Variants in FAM149A observed in about 807,000 individuals in gnomAD.
The protein encoded by FAM149A is protein FAM149A.
FAM149A carries 71 observed loss-of-function variants against 78.2 expected under a neutral mutation model. The ratio of observed to expected loss-of-function variants is 0.91; its 90% confidence interval spans 0.75 to 1.11. The LOEUF (loss-of-function observed/expected upper bound fraction) is 1.11, where lower values mean the gene tolerates loss of function less well. Ranked by LOEUF, FAM149A falls within the 50% of genes least tolerant of loss-of-function variation. The pLI is 0.00. For synonymous variants in FAM149A, 446 were observed against 410.5 expected (o/e 1.09, Z -1.04); for missense variants, 1,036 against 971.0 (o/e 1.07, Z -0.89).
At chr4:186,151,781 T>C (rs1733605022) in intron 3 of FAM149A, 122 bp from the exon 4 acceptor site, 1 of 1,449,530 alleles carries the variant, frequency 6.9e-7, no homozygotes, top group East Asian at 2.6e-5. Context: ...AGCCACCATC[T>C]TTTTACCAAG....
intron 1 of FAM149A, among the ~76,000 whole-genome samples, chr4:186,129,334 A>G (rs1221137784): frequency 6.6e-6 from 1 of 152,156 alleles, no homozygotes; most frequent in African/African-American, 2.4e-5. Context: ...CAAAGGAGAG[A>G]GCAAGGATGC....
intron 1 of FAM149A, among the ~76,000 whole-genome samples, chr4:186,139,343 C>A (rs1186445986): frequency 6.6e-6 from 1 of 152,138 alleles, no homozygotes; most frequent in Non-Finnish European, 1.5e-5. Context: ...TGTTTGTATC[C>A]CCCAAAATTC....
At chr4:186,119,277 G>A (rs866355702) in intron 1 of FAM149A, among the ~76,000 whole-genome samples, 8 of 152,098 alleles carry the variant, frequency 5.3e-5, no homozygotes, top group African/African-American at 1.4e-4. Flanking sequence ...CGTAGTACTC[G>A]TCAAGCAAAT....
At chr4:186,165,719 A>G (rs1436316174) in intron 11 of FAM149A, among the ~76,000 whole-genome samples, 1 of 152,220 alleles carries the variant, frequency 6.6e-6, no homozygotes, top group East Asian at 1.9e-4. Flanking sequence ...GTGTCAAGGA[A>G]ATCTCTGATA....
intron 8 of FAM149A, chr4:186,158,868 C>A: frequency 1.1e-6 from 1 of 902,932 alleles, no homozygotes; most frequent in Non-Finnish European, 1.3e-6. Flanking sequence ...CACAGGCCAC[C>A]AGCAAGATGG....
intron 1 of FAM149A, among the ~76,000 whole-genome samples, chr4:186,113,284 C>A (rs1294842719): frequency 8.1e-6 from 1 of 122,844 alleles, no homozygotes; most frequent in Admixed American, 9.2e-5. Context: ...TGATTCTTCT[C>A]TCTTTTTTTA....
rs375731127 is a variant in FAM149A, at chr4:186,159,857, A to T, written c.1575+2138A>T. ...AGAACACGGGTAAGGCAGGAGTCCT[A>T]GTCCTGAGCTACACAGAATTTATAG... On this transcript the variant is annotated intron_variant, in intron 8 of 13. Coordinates refer to ENST00000389354, the MANE Select transcript of FAM149A (RefSeq NM_001367768.3). 6.1e-4 allele frequency among the ~76,000 whole-genome samples: 76 copies of T among 124,486 alleles called. No individual in the cohort carries two copies. The East Asian group carries it at 0.016, about 27-fold the overall frequency. The allele number at this position is 124,486 out of a possible 152,430, so 81.7% of individuals were successfully genotyped here. A position where few individuals can be genotyped will look rare whatever the true frequency, so the allele number is the denominator to read the frequency against.
chr4:186,133,061 ACT>A, intron 1 of FAM149A: 1 of 985,338 alleles, frequency 1.0e-6, no homozygotes, highest in South Asian at 4.7e-5. Flanking sequence ...AAGGCTTCTG[ACT>A]CAACACTGCC....
At chr4:186,149,129 A>G in intron 1 of FAM149A, 44 bp from the exon 2 acceptor site, 1 of 1,242,606 alleles carries the variant, frequency 8.0e-7, no homozygotes, top group African/African-American at 1.6e-5. Context: ...ATAAAACTAT[A>G]TTATTACATT....
chr4:186,126,337 G>A (rs4862639), intron 1 of FAM149A, among the ~76,000 whole-genome samples: 39,515 of 152,018 alleles, frequency 0.26, 5,399 homozygotes, highest in East Asian at 0.51. Flanking sequence ...AATTTTATGT[G>A]TCAACTTGAC....
chr4:186,147,635 CAT>C (rs1733161595), intron 1 of FAM149A, among the ~76,000 whole-genome samples: 3 of 152,180 alleles, frequency 2.0e-5, no homozygotes, highest in African/African-American at 7.2e-5. Context: ...ATTTCTCAGT[CAT>C]ATATTAACTC....
intron 1 of FAM149A, among the ~76,000 whole-genome samples, chr4:186,143,488 A>G (rs191405119): frequency 6.6e-6 from 1 of 152,012 alleles, no homozygotes; most frequent in African/African-American, 2.4e-5. Flanking sequence ...ACCACTTACC[A>G]CTTTTATAAA....
chr4:186,144,994 C>T lies in FAM149A; in HGVS notation c.567-4179C>T, dbSNP rs989058623. 1.0e-6 allele frequency: 1 copy of T among 979,064 alleles called. No homozygotes were observed. Among genetic ancestry groups the T allele is most frequent in the Non-Finnish European group, 1.2e-6 (1 of 827,514 alleles). 60.6% of individuals were successfully genotyped at this position (979,064 alleles called of 1,614,324 possible). On this transcript the variant is annotated intron_variant, in intron 1 of 13. Coordinates refer to ENST00000389354, the MANE Select transcript of FAM149A (RefSeq NM_001367768.3). This position sits in a 1 kb window ranked among gnomAD's most constrained non-coding sequence, Gnocchi z 4.2. ...AGCCCCAGCCCCGGGGCCGCGGGGG[C>T]GCGTGACCGGCTGTCTGCGTGGGGC...
At chr4:186,139,384 T>C (rs1279221743) in intron 1 of FAM149A, among the ~76,000 whole-genome samples, 1 of 152,160 alleles carries the variant, frequency 6.6e-6, no homozygotes, top group Non-Finnish European at 1.5e-5. Context: ...AATGAAATGG[T>C]ACTAAAGGTG....
intron 1 of FAM149A, among the ~76,000 whole-genome samples, chr4:186,119,740 C>T (rs539541688): frequency 2.6e-5 from 4 of 152,254 alleles, no homozygotes; most frequent in East Asian, 1.9e-4. Context: ...CAGAGAATGT[C>T]GCTCTTTGTA....
At chr4:186,139,064 A>G (rs1293267833) in intron 1 of FAM149A, among the ~76,000 whole-genome samples, 4 of 152,044 alleles carry the variant, frequency 2.6e-5, no homozygotes. Context: ...TGTATTTTGT[A>G]CTTTAGTTAT....
At chr4:186,109,472 C>G (rs190251698) in intron 1 of FAM149A, 60 of 985,124 alleles carry the variant, frequency 6.1e-5, no homozygotes, top group Non-Finnish European at 7.0e-5. Flanking sequence ...TGTGATGAAG[C>G]CTGTAGACCC....
chr4:186,165,309 A>G (rs1561417615), intron 10 of FAM149A, 35 bp from the exon 11 acceptor site: 1 of 1,613,136 alleles, frequency 6.2e-7, no homozygotes, highest in Non-Finnish European at 8.5e-7. Context: ...TTATCCATGT[A>G]CCTGGGTGCT....
At chr4:186,106,965 C>G (rs903528419) in intron 1 of FAM149A, among the ~76,000 whole-genome samples, 12 of 151,974 alleles carry the variant, frequency 7.9e-5, no homozygotes, top group Non-Finnish European at 1.6e-4. Flanking sequence ...AAAACAACAA[C>G]AAAAAAGAAA....
Sources: gnomAD v4.1 joint callset for allele counts (sites outside exome capture counted in the v4.1 genomes callset) on GRCh38, gnomAD v4.1.1 for gene constraint, Gnocchi (gnomAD v3.1) non-coding constraint, MANE v1.5 for transcripts, NCBI Gene and HGNC (gene_info 2026-07-23, HGNC 2026-07-21) for gene names.